CENPW: variants seen among roughly 807,000 people sequenced by gnomAD.
The protein encoded by CENPW is cancer-up-regulated gene 2 protein.
CENPW carries 3 observed loss-of-function variants against 11.1 expected under a neutral mutation model. The observed-to-expected ratio is 0.27, with a 90% CI of 0.12 to 0.70. CENPW has a LOEUF of 0.70. Ranked by LOEUF, CENPW falls within the 30% of genes least tolerant of loss-of-function variation. The pLI is 0.77. For missense variants in CENPW, 100 were observed against 105.6 expected, an observed-to-expected ratio of 0.95 and a Z score of 0.23; for synonymous variants, 38 against 42.0, an observed-to-expected ratio of 0.91 and a Z score of 0.37.
At chr6:126,354,492 A>G in the CENPW span, among the ~76,000 whole-genome samples, 2 of 152,152 alleles carry the variant, frequency 1.3e-5, no homozygotes, top group Non-Finnish European at 2.9e-5. Context: ...TTTTGTACCA[A>G]CATAATATCT....
the CENPW span, among the ~76,000 whole-genome samples, chr6:126,458,832 T>A: frequency 1.3e-5 from 2 of 151,394 alleles, no homozygotes; most frequent in Non-Finnish European, 3.0e-5. Context: ...GGAATTAGAA[T>A]AATAATAAAA....
the CENPW span, among the ~76,000 whole-genome samples, chr6:126,368,588 G>A: frequency 1.3e-5 from 2 of 150,564 alleles, no homozygotes; most frequent in Non-Finnish European, 3.0e-5. Context: ...ATTCTTTAGT[G>A]GTGATGTGAG....
chr6:126,471,064 G>GGT, the CENPW span, among the ~76,000 whole-genome samples: 1 of 152,132 alleles, frequency 6.6e-6, no homozygotes, highest in South Asian at 2.1e-4. Flanking sequence ...ATGCATGATT[G>GGT]GTTTTGAAAC....
chr6:126,435,193 G>A, the CENPW span, among the ~76,000 whole-genome samples: 1 of 151,836 alleles, frequency 6.6e-6, no homozygotes, highest in African/African-American at 2.4e-5. Context: ...ATGGTATGTT[G>A]TAATAATTGT....
At chr6:126,473,957 C>CAGAATATATAT in the CENPW span, among the ~76,000 whole-genome samples, 1 of 145,784 alleles carries the variant, frequency 6.9e-6, no homozygotes, top group Non-Finnish European at 1.5e-5. Context: ...AGAATATATA[C>CAGAATATATAT]AGAATATATA....
At chr6:126,365,412 T>C in the CENPW span, among the ~76,000 whole-genome samples, 6 of 152,230 alleles carry the variant, frequency 3.9e-5, no homozygotes, top group African/African-American at 7.2e-5. Flanking sequence ...CTTACAATCA[T>C]GGCGGAAGCT....
downstream of CENPW, among the ~76,000 whole-genome samples, chr6:126,352,313 A>G (rs542076855): frequency 9.9e-5 from 15 of 152,176 alleles, no homozygotes; most frequent in Non-Finnish European, 2.1e-4. Context: ...GTGTTAGATA[A>G]TTCTTGCCCT....
chr6:126,356,480 TA>T, the CENPW span, among the ~76,000 whole-genome samples: 1 of 152,224 alleles, frequency 6.6e-6, no homozygotes, highest in Non-Finnish European at 1.5e-5. Flanking sequence ...TAATCATTCC[TA>T]ATTAAACCCC....
chr6:126,473,068 C>T, the CENPW span, among the ~76,000 whole-genome samples: 3 of 152,092 alleles, frequency 2.0e-5, no homozygotes, highest in Non-Finnish European at 4.4e-5. Context: ...TTTCTCTGTG[C>T]CTTTTCATAG....
the CENPW span, among the ~76,000 whole-genome samples, chr6:126,394,673 C>T: frequency 2.6e-5 from 4 of 152,016 alleles, no homozygotes; most frequent in Admixed American, 2.6e-4. Context: ...ACATCCTTTT[C>T]CTTCAGATTG....
the CENPW span, among the ~76,000 whole-genome samples, chr6:126,395,908 T>C: frequency 6.6e-6 from 1 of 152,124 alleles, no homozygotes; most frequent in Non-Finnish European, 1.5e-5. Context: ...CCCTCTCTGC[T>C]GGGCCACATA....
chr6:126,442,740 G>T, the CENPW span, among the ~76,000 whole-genome samples: 41 of 151,290 alleles, frequency 2.7e-4, no homozygotes, highest in African/African-American at 9.9e-4. Context: ...AAGTCAAAAA[G>T]AGATCATTTT....
At chr6:126,359,762 T>C in the CENPW span, among the ~76,000 whole-genome samples, 17 of 152,118 alleles carry the variant, frequency 1.1e-4, no homozygotes, top group South Asian at 1.5e-3. Context: ...CTTTTCTTTT[T>C]TTTTTTTTTA....
chr6:126,433,428 A>T, the CENPW span, among the ~76,000 whole-genome samples: 7 of 152,324 alleles, frequency 4.6e-5, no homozygotes, highest in African/African-American at 1.7e-4. Flanking sequence ...GAAGATAATA[A>T]GCATTAGCTG....
At chr6:126,414,860 T>A in the CENPW span, among the ~76,000 whole-genome samples, 1 of 150,322 alleles carries the variant, frequency 6.7e-6, no homozygotes. Flanking sequence ...AGATTGACAA[T>A]CTTAGTTTAG....
At chr6:126,352,265 A>C (rs1027435488), downstream of CENPW, among the ~76,000 whole-genome samples, 1 of 152,168 alleles carries the variant, frequency 6.6e-6, no homozygotes, top group Non-Finnish European at 1.5e-5. Flanking sequence ...CAAGTTACTT[A>C]GTATCTGACC....
At chr6:126,384,914 A>G in the CENPW span, among the ~76,000 whole-genome samples, 6 of 152,168 alleles carry the variant, frequency 3.9e-5, no homozygotes, top group East Asian at 7.7e-4. Flanking sequence ...TTAAATTTAC[A>G]AGAAAAAACA....
chr6:126,366,926 C>T, the CENPW span, among the ~76,000 whole-genome samples: 80 of 152,244 alleles, frequency 5.3e-4, no homozygotes, highest in Non-Finnish European at 7.8e-4. Context: ...ATGGAACTTG[C>T]AGCCTAAAGC....
the CENPW span, among the ~76,000 whole-genome samples, chr6:126,377,904 TG>T: frequency 0.43 from 65,332 of 151,886 alleles, 16,361 homozygotes; most frequent in East Asian, 0.97. Flanking sequence ...AAACCCACAG[TG>T]GGGAGCACAT....
Sources: allele counts gnomAD v4.1 joint callset (sites outside exome capture counted in the v4.1 genomes callset), GRCh38; gene constraint gnomAD v4.1.1; transcripts MANE v1.5; gene names NCBI Gene and HGNC (gene_info 2026-07-23, HGNC 2026-07-21).